The following MMP16 variants were observed in gnomAD, a reference collection of about 807,000 sequenced individuals.
The protein encoded by MMP16 is matrix metallopeptidase 16.
In MMP16, 12 loss-of-function variants were observed where a neutral mutation model predicts 67.8. The ratio of observed to expected loss-of-function variants is 0.18; its 90% CI spans 0.11 to 0.29. The LOEUF (loss-of-function observed/expected upper bound fraction) is 0.29. Ranked by LOEUF, MMP16 falls within the 10% of genes least tolerant of loss-of-function variation. MMP16 has a pLI of 1.00. For synonymous variants in MMP16, 249 were observed against 255.9 expected (o/e 0.97, Z 0.26); for missense variants, 475 against 765.7 (o/e 0.62, Z 4.48).
At position 88,275,875 on chromosome 8, in the gene MMP16, C is replaced by A. The variant is rs28904580; in HGVS notation, c.132+51200G>T. ...TTTAGCTTCTTCTTAAGATGGGAAT[C>A]CAATTTTTTTAGCCTTGTAAGCTAT... On this transcript the variant is annotated intron_variant, in intron 1 of 9. Transcript: ENST00000286614. 9.4e-3 allele frequency among the ~76,000 whole-genome samples: 1,430 copies of A among 152,048 alleles called. 26 individuals carry two copies. The highest frequency in any genetic ancestry group is 0.033 in the African/African-American group (1,360 of 41,514).
chr8:88,051,659 A>G (rs1808272739), intron 8 of MMP16, among the ~76,000 whole-genome samples: 1 of 152,172 alleles, frequency 6.6e-6, no homozygotes, highest in East Asian at 1.9e-4. Context: ...TAAACATAAC[A>G]CTTAAGCTGG....
intron 1 of MMP16, among the ~76,000 whole-genome samples, chr8:88,215,300 T>A (rs1194660691): frequency 4.6e-5 from 7 of 151,774 alleles, no homozygotes; most frequent in Non-Finnish European, 8.8e-5. Flanking sequence ...CCAGCCTGGG[T>A]GACAGAGTGA....
chr8:88,112,420 A>G (rs1371219184), intron 6 of MMP16, among the ~76,000 whole-genome samples: 1 of 151,762 alleles, frequency 6.6e-6, no homozygotes, highest in Non-Finnish European at 1.5e-5. Context: ...AGGTGCTTTG[A>G]GAGTATTCAT....
chr8:88,282,253 T>G (rs963068979), intron 1 of MMP16, among the ~76,000 whole-genome samples: 9 of 152,096 alleles, frequency 5.9e-5, no homozygotes, highest in African/African-American at 2.2e-4. Context: ...TTTTGTATTT[T>G]TTGTAGAGAT....
chr8:88,165,864 A>G (rs1808703050), intron 4 of MMP16, among the ~76,000 whole-genome samples: 1 of 152,098 alleles, frequency 6.6e-6, no homozygotes, highest in South Asian at 2.1e-4. Context: ...TTTGCCTCCA[A>G]AGTTTTTGGC....
chr8:88,056,056 G>T, intron 8 of MMP16, 72 bp downstream of exon 8: 1 of 1,228,050 alleles, frequency 8.1e-7, no homozygotes, highest in Non-Finnish European at 1.1e-6. Context: ...TGATGCCTCT[G>T]ATAGACTAGA....
At chr8:88,104,713 T>C (rs554376694) in intron 6 of MMP16, among the ~76,000 whole-genome samples, 1 of 151,652 alleles carries the variant, frequency 6.6e-6, no homozygotes, top group Non-Finnish European at 1.5e-5. Context: ...AAGTTAACTA[T>C]AAAACAGCCT....
intron 1 of MMP16, among the ~76,000 whole-genome samples, chr8:88,285,306 A>G (rs1810810286): frequency 6.6e-6 from 1 of 151,916 alleles, no homozygotes; most frequent in Admixed American, 6.6e-5. Context: ...CGCCCAGCTA[A>G]TTTTTATATT....
At chr8:88,300,648 T>C (rs1444571932) in intron 1 of MMP16, among the ~76,000 whole-genome samples, 1 of 152,190 alleles carries the variant, frequency 6.6e-6, no homozygotes, top group Non-Finnish European at 1.5e-5. Context: ...CACAGGTATG[T>C]ACGTACAGAA....
chr8:88,153,606 G>A (rs1808451546), intron 4 of MMP16, among the ~76,000 whole-genome samples: 1 of 151,664 alleles, frequency 6.6e-6, no homozygotes, highest in Non-Finnish European at 1.5e-5. Context: ...AGAAAAACAA[G>A]CAATGGGGAA....
intron 7 of MMP16, among the ~76,000 whole-genome samples, chr8:88,072,152 G>C (rs1808567989): frequency 6.6e-6 from 1 of 152,132 alleles, no homozygotes; most frequent in South Asian, 2.1e-4. Flanking sequence ...CACGTGGGAT[G>C]AGGAATGATG....
At chr8:88,223,807 T>C (rs1359683986) in intron 1 of MMP16, among the ~76,000 whole-genome samples, 1 of 151,742 alleles carries the variant, frequency 6.6e-6, no homozygotes, top group African/African-American at 2.4e-5. Flanking sequence ...AACCTGCAAG[T>C]TGTGCACATG....
At chr8:88,215,997 T>C (rs754189203) in intron 1 of MMP16, among the ~76,000 whole-genome samples, 1 of 152,204 alleles carries the variant, frequency 6.6e-6, no homozygotes, top group African/African-American at 2.4e-5. Flanking sequence ...GGTATGATTT[T>C]ACATATATTT....
At chr8:88,189,893 T>G (rs753820277) in intron 2 of MMP16, among the ~76,000 whole-genome samples, 6 of 152,162 alleles carry the variant, frequency 3.9e-5, no homozygotes, top group Non-Finnish European at 7.4e-5. Flanking sequence ...TGAGTGAGGG[T>G]AGAGAGCCAA....
intron 3 of MMP16, among the ~76,000 whole-genome samples, chr8:88,182,418 A>G (rs1808995338): frequency 6.6e-6 from 1 of 152,160 alleles, no homozygotes; most frequent in South Asian, 2.1e-4. Context: ...GCAAATTAAA[A>G]CAATCTATAT....
At chr8:88,322,792 C>T (rs1811480738) in intron 1 of MMP16, among the ~76,000 whole-genome samples, 1 of 152,094 alleles carries the variant, frequency 6.6e-6, no homozygotes, top group African/African-American at 2.4e-5. Context: ...CTGTAGTGAG[C>T]TATGATCACG....
chr8:88,159,213 G>T (rs573215202), intron 4 of MMP16, among the ~76,000 whole-genome samples: 1 of 152,274 alleles, frequency 6.6e-6, no homozygotes, highest in East Asian at 1.9e-4. Flanking sequence ...AAAGTCATTG[G>T]TAGCTTGAGG....
chr8:88,251,338 G>A (rs1245515411), intron 1 of MMP16, among the ~76,000 whole-genome samples: 25 of 151,116 alleles, frequency 1.7e-4, no homozygotes, highest in South Asian at 4.2e-4. Flanking sequence ...AAATAATGCC[G>A]CATATCTACA....
intron 1 of MMP16, among the ~76,000 whole-genome samples, chr8:88,289,854 C>T (rs1385706702): frequency 6.6e-6 from 1 of 152,084 alleles, no homozygotes; most frequent in Non-Finnish European, 1.5e-5. Context: ...GCCTACCCCA[C>T]TAGCAAGTGC....
Sources: gnomAD v4.1 joint callset for allele counts (sites outside exome capture counted in the v4.1 genomes callset) on GRCh38, gnomAD v4.1.1 for gene constraint, MANE v1.5 for transcripts, NCBI Gene and HGNC (gene_info 2026-07-23, HGNC 2026-07-21) for gene names.